Variants in ZFHX3 observed in about 807,000 individuals in gnomAD.
ZFHX3 encodes zinc finger homeobox protein 3.
Under a neutral mutation model 279.1 loss-of-function variants are expected in ZFHX3, and 42 were observed. The ratio of observed to expected loss-of-function variants is 0.15; its 90% CI spans 0.12 to 0.19. The LOEUF (loss-of-function observed/expected upper bound fraction) is 0.19, where lower values mean the gene tolerates loss of function less well. ZFHX3 is among the 10% of genes least tolerant of loss of function. ZFHX3 has a pLI of 1.00. For missense variants in ZFHX3, 4,981 were observed against 4,754.0 expected (o/e 1.05, Z -1.40); for synonymous variants, 2,293 against 1,957.8 (o/e 1.17, Z -4.52).
At chr16:73,388,591 C>T (rs1026868650) in intron 3 of ZFHX3, among the ~76,000 whole-genome samples, 1 of 152,154 alleles carries the variant, frequency 6.6e-6, no homozygotes. Context: ...CTAAGCCAAC[C>T]TGCCAGGCAG....
chr16:73,494,646 C>T lies in ZFHX3; in HGVS notation c.-1546-38388G>A, dbSNP rs1274392555. Among the ~76,000 whole-genome samples, 12 of 150,766 alleles carry T rather than the reference C, an allele frequency of 8.0e-5. 1 individual carries two copies. The highest frequency in any genetic ancestry group is 2.9e-4 in the African/African-American group (12 of 40,876). ...TGTGATCTCGGCTCACCGCAACCTC[C>T]GCCCACGGGTTCAAGCGATTCTCCT... On this transcript the variant is annotated intron_variant, in intron 2 of 17. Coordinates refer to the ZFHX3 transcript ENST00000641206.
intron 5 of ZFHX3, among the ~76,000 whole-genome samples, chr16:73,207,439 C>A (rs894003586): frequency 8.6e-5 from 13 of 152,036 alleles, no homozygotes; most frequent in African/African-American, 2.7e-4. Flanking sequence ...GTATTTCTAG[C>A]CAGAAATATT....
intron 2 of ZFHX3, among the ~76,000 whole-genome samples, chr16:73,552,284 G>C (rs1242827687): frequency 6.6e-6 from 1 of 152,022 alleles, no homozygotes; most frequent in Admixed American, 6.6e-5. Context: ...CTTTCAATTT[G>C]CAAAGTCAAG....
At position 72,811,651 on chromosome 16, in the gene ZFHX3, T is replaced by C; in HGVS notation, c.3790A>G (p.Lys1264Glu). ...CPLCQDMLNN[K>E]IHLQLHLTHL... ...GTGAGGTGCAGCTGGAGGTGGATCT[T>C]GTTGTTGAGCATGTCCTGGCACAGG... Residue 1264 changes from lysine to glutamate, a missense_variant, in exon 7 of 10, where the codon AAG becomes GAG. Lys to Glu is a moderately conservative substitution (Grantham distance 56). Transcript: ENST00000268489. 1 of 1,613,738 alleles carries C rather than the reference T, an allele frequency of 6.2e-7. No homozygotes were observed. The highest frequency in any genetic ancestry group is 8.5e-7 in the Non-Finnish European group (1 of 1,179,860).
chr16:73,259,424 G>A (rs2013753962), intron 4 of ZFHX3, among the ~76,000 whole-genome samples: 1 of 152,214 alleles, frequency 6.6e-6, no homozygotes, highest in South Asian at 2.1e-4. Flanking sequence ...AAAAGCCTAT[G>A]TTCTTAACCA....
intron 5 of ZFHX3, among the ~76,000 whole-genome samples, chr16:73,193,996 A>T (rs1968094097): frequency 6.6e-6 from 1 of 152,058 alleles, no homozygotes; most frequent in Non-Finnish European, 1.5e-5. Flanking sequence ...CCTCGCTAGG[A>T]CCCTCTAGTC....
intron 1 of ZFHX3, among the ~76,000 whole-genome samples, chr16:73,712,319 CCTT>C (rs2053371084): frequency 6.6e-6 from 1 of 152,176 alleles, no homozygotes; most frequent in African/African-American, 2.4e-5. Flanking sequence ...TCCAAGCTGC[CCTT>C]CTTCCTTGGG....
intron 7 of ZFHX3, among the ~76,000 whole-genome samples, chr16:73,116,108 G>A (rs1318445876): frequency 6.9e-6 from 1 of 144,584 alleles, no homozygotes; most frequent in African/African-American, 2.7e-5. Flanking sequence ...CAACAAGAGC[G>A]AAACTCTGTC....
chr16:73,792,930 G>A (rs905025300), intron 1 of ZFHX3, among the ~76,000 whole-genome samples: 5 of 148,400 alleles, frequency 3.4e-5, no homozygotes, highest in African/African-American at 7.5e-5. Context: ...TGGGGTTGAC[G>A]TTTGTTACAG....
intron 5 of ZFHX3, among the ~76,000 whole-genome samples, chr16:73,256,327 G>A (rs991530716): frequency 1.3e-5 from 2 of 152,168 alleles, no homozygotes; most frequent in African/African-American, 4.8e-5. Flanking sequence ...TCTACAAATA[G>A]AAGATGATTC....
intron 1 of ZFHX3, among the ~76,000 whole-genome samples, chr16:73,814,868 C>T (rs1472154808): frequency 6.6e-6 from 1 of 152,066 alleles, no homozygotes; most frequent in Non-Finnish European, 1.5e-5. Context: ...CACACCCAGC[C>T]CACTTCACAA....
intron 7 of ZFHX3, among the ~76,000 whole-genome samples, chr16:72,805,755 G>A (rs1035297181): frequency 1.2e-4 from 19 of 152,150 alleles, no homozygotes; most frequent in Non-Finnish European, 1.3e-4. Flanking sequence ...AAACCAGGGC[G>A]CCTCTTGCCA....
chr16:72,811,463 C>T (rs1262626935), intron 7 of ZFHX3, 114 bp downstream of exon 7: 12 of 1,156,566 alleles, frequency 1.0e-5, no homozygotes, highest in South Asian at 6.6e-5. Context: ...TGTTTTCTGA[C>T]GTTTCCAACT....
intron 3 of ZFHX3, among the ~76,000 whole-genome samples, chr16:73,446,584 T>C (rs6564217): frequency 0.91 from 138,059 of 152,062 alleles, 62,795 homozygotes; most frequent in East Asian, 0.95. Context: ...TGAGTGGGAA[T>C]ACAGAGCCAG....
chr16:73,657,326 G>A (rs2052732322), intron 2 of ZFHX3, among the ~76,000 whole-genome samples: 1 of 152,178 alleles, frequency 6.6e-6, no homozygotes, highest in Non-Finnish European at 1.5e-5. Context: ...GCGTGGTGGT[G>A]CATGCCTGCA....
chr16:72,960,761 G>C (rs1961540455), intron 1 of ZFHX3, among the ~76,000 whole-genome samples: 1 of 152,162 alleles, frequency 6.6e-6, no homozygotes, highest in Non-Finnish European at 1.5e-5. Flanking sequence ...TACTGACCAT[G>C]GTTCTAGTTT....
chr16:73,723,327 C>T (rs1044701778), intron 1 of ZFHX3, among the ~76,000 whole-genome samples: 2 of 152,150 alleles, frequency 1.3e-5, no homozygotes, highest in African/African-American at 2.4e-5. Context: ...GTAGATTCTT[C>T]AGCTATAATG....
chr16:73,064,191 T>C (rs958185431), upstream of ZFHX3, among the ~76,000 whole-genome samples: 26 of 149,618 alleles, frequency 1.7e-4, no homozygotes, highest in African/African-American at 5.7e-4. Flanking sequence ...AGGAGGCAGG[T>C]GGGGGGTGCG....
At chr16:73,210,017 GT>G (rs935671825) in intron 5 of ZFHX3, among the ~76,000 whole-genome samples, 130 of 152,246 alleles carry the variant, frequency 8.5e-4, no homozygotes, top group African/African-American at 3.0e-3. Flanking sequence ...AACTTTGGGG[GT>G]TCACTAATAC....
Sources: allele counts gnomAD v4.1 joint callset (sites outside exome capture counted in the v4.1 genomes callset), GRCh38; gene constraint gnomAD v4.1.1; transcripts MANE v1.5; gene names NCBI Gene and HGNC (gene_info 2026-07-23, HGNC 2026-07-21).